GRB14: variants seen among roughly 807,000 people sequenced by gnomAD.
GRB14 encodes the protein growth factor receptor-bound protein 14.
Under a neutral mutation model 69.1 loss-of-function variants are expected in GRB14, and 38 were observed. That is an observed-to-expected ratio of 0.55 (90% CI 0.42 to 0.72). GRB14 has a LOEUF of 0.72. GRB14 is among the 30% of genes least tolerant of loss of function. The probability of loss-of-function intolerance (pLI) is 0.00; values close to 1 mark genes in which losing one functional copy is unlikely to be tolerated. For missense variants in GRB14, 666 were observed against 666.1 expected (o/e 1.00, Z 0.00); for synonymous variants, 247 against 241.3 (o/e 1.02, Z -0.22).
intron 3 of GRB14, among the ~76,000 whole-genome samples, chr2:164,544,574 G>A (rs1234158368): frequency 2.0e-5 from 3 of 152,184 alleles, no homozygotes; most frequent in Non-Finnish European, 2.9e-5. Context: ...AGTTAAACTA[G>A]TCACAAGTGG....
intron 2 of GRB14, among the ~76,000 whole-genome samples, chr2:164,607,747 C>T (rs931262648): frequency 1.3e-5 from 2 of 152,160 alleles, no homozygotes; most frequent in African/African-American, 4.8e-5. Context: ...CAAAGCTTTA[C>T]CATTAGCCAT....
Position 164,547,753 on chromosome 2 carries a change from C to T in GRB14, c.388G>A (p.Ala130Thr). The change falls in exon 3 of 14, where the codon GCT (alanine) becomes ACT (threonine). Residue 130 changes from alanine (A) to threonine (T), a missense_variant. Coordinates refer to ENST00000263915, the MANE Select transcript of GRB14 (RefSeq NM_004490.3). ...RALDVPSDIT[A>T]RDVCQLLILK... ...ATCAACAGCTGACAAACATCTCGAG[C>T]CGTTATGTCACTGGGTACATCTAAA... 6.2e-7 allele frequency: 1 copy of T among 1,613,568 alleles called. No homozygotes were observed. Among genetic ancestry groups the T allele is most frequent in the Non-Finnish European group, 8.5e-7 (1 of 1,179,572 alleles).
At chr2:164,494,623 C>G in intron 12 of GRB14, 99 bp from the exon 13 acceptor site, 3 of 755,786 alleles carry the variant, frequency 4.0e-6, no homozygotes, top group Non-Finnish European at 7.2e-6. Context: ...ATAAATGTAG[C>G]TGGGGACTCC....
intron 9 of GRB14, among the ~76,000 whole-genome samples, chr2:164,501,455 T>C (rs1478658865): frequency 1.3e-5 from 2 of 152,116 alleles, no homozygotes; most frequent in African/African-American, 4.8e-5. Context: ...TGCATACATC[T>C]GAATTCCTAA....
At chr2:164,596,953 A>T (rs1016290507) in intron 2 of GRB14, among the ~76,000 whole-genome samples, 1 of 152,196 alleles carries the variant, frequency 6.6e-6, no homozygotes, top group Non-Finnish European at 1.5e-5. Flanking sequence ...TCCTTGAAAT[A>T]ATCTACAAAA....
At chr2:164,610,029 CCAGGGTAATG>C (rs1690130681) in intron 2 of GRB14, among the ~76,000 whole-genome samples, 1 of 152,072 alleles carries the variant, frequency 6.6e-6, no homozygotes, top group African/African-American at 2.4e-5. Flanking sequence ...TTTACACGCC[CCAGGGTAATG>C]CACCAAGAGG....
chr2:164,527,366 A>C (rs2105289087), intron 3 of GRB14, among the ~76,000 whole-genome samples: 1 of 151,498 alleles, frequency 6.6e-6, no homozygotes, highest in East Asian at 1.9e-4. Context: ...ACCAAAGCAG[A>C]CTGTTGTCTA....
Position 164,560,603 on chromosome 2 carries a change from T to C in GRB14, c.325-12787A>G, listed in dbSNP as rs561870416. On this transcript the variant is annotated intron_variant, in intron 2 of 13. Transcript: ENST00000263915. The stretch of plus-strand genomic sequence containing the variant: ...ATAAGAAGGATTGGGGGGGCATATG[T>C]ATATATACATATGTGTCACCTCACC... Among the ~76,000 whole-genome samples the C allele has an allele frequency of 2.0e-5, 3 of 152,278 alleles. No individual in the cohort carries two copies. In the South Asian group the frequency reaches 6.2e-4, roughly 32 times the overall value.
At chr2:164,536,520 G>T (rs572261471) in intron 3 of GRB14, among the ~76,000 whole-genome samples, 66 of 152,076 alleles carry the variant, frequency 4.3e-4, no homozygotes, top group Non-Finnish European at 8.1e-4. Flanking sequence ...TGTCAATCAG[G>T]AATAAGCACC....
rs769757166 is a variant in GRB14 at position 164,494,464 on chromosome 2, A to G, written c.1443T>C (p.His481=). The G allele has an allele frequency of 1.2e-6, 2 of 1,601,730 alleles. No individual in the cohort carries two copies. Among genetic ancestry groups the G allele is most frequent in the Non-Finnish European group, 1.7e-6 (2 of 1,168,984 alleles). The change falls in exon 13 of 14, where the codon CAT becomes CAC. Residue 481 remains histidine (H), a synonymous_variant. Coordinates refer to ENST00000263915, the MANE Select transcript of GRB14 (RefSeq NM_004490.3). ...NPKTFVLSMS[H]GQKIKHFQII... ...TTTGAAAGTGCTTTATTTTTTGTCCATGACTCATTGACAGTACGAAAGTTT... is the reference window on the plus strand; with the variant it reads ...TTTGAAAGTGCTTTATTTTTTGTCCGTGACTCATTGACAGTACGAAAGTTT...
intron 2 of GRB14, among the ~76,000 whole-genome samples, chr2:164,618,131 T>C (rs1314924540): frequency 2.0e-5 from 3 of 152,092 alleles, no homozygotes; most frequent in African/African-American, 4.8e-5. Context: ...CACACCCAGC[T>C]AATTTTTGTA....
At chr2:164,523,436 A>C (rs891603228) in intron 5 of GRB14, among the ~76,000 whole-genome samples, 4 of 152,054 alleles carry the variant, frequency 2.6e-5, no homozygotes, top group Non-Finnish European at 4.4e-5. Flanking sequence ...AAGAAAATAG[A>C]AATCCCTCTG....
chr2:164,514,434 G>A (rs185002565), intron 6 of GRB14, among the ~76,000 whole-genome samples: 4 of 152,252 alleles, frequency 2.6e-5, no homozygotes, highest in African/African-American at 7.2e-5. Flanking sequence ...CCCTCACTGC[G>A]GAACCTGAAG....
intron 2 of GRB14, 104 bp from the exon 3 acceptor site, chr2:164,547,920 T>C (rs1688427282): frequency 1.5e-6 from 1 of 667,724 alleles, no homozygotes; most frequent in South Asian, 3.9e-5. Flanking sequence ...TTATGAGATA[T>C]ATATAAATAA....
chr2:164,502,977 G>A (rs1039839883), intron 8 of GRB14, among the ~76,000 whole-genome samples: 24 of 152,160 alleles, frequency 1.6e-4, no homozygotes, highest in African/African-American at 5.3e-4. Context: ...AAGAATTTCA[G>A]TGTCTTCACT....
intron 3 of GRB14, among the ~76,000 whole-genome samples, chr2:164,527,903 T>C (rs1380950653): frequency 1.3e-5 from 2 of 152,062 alleles, no homozygotes; most frequent in Non-Finnish European, 2.9e-5. Flanking sequence ...ACAGTAGTAT[T>C]ATTCATAATA....
At chr2:164,600,275 C>A (rs1466690728) in intron 2 of GRB14, among the ~76,000 whole-genome samples, 2 of 152,142 alleles carry the variant, frequency 1.3e-5, no homozygotes, top group African/African-American at 4.8e-5. Context: ...AATAAATATA[C>A]TTTAATTTTA....
chr2:164,525,112 T>G (rs777840950), intron 4 of GRB14, 34 bp from the exon 5 acceptor site: 22 of 1,330,504 alleles, frequency 1.7e-5, no homozygotes, highest in Non-Finnish European at 2.2e-5. Context: ...TATCACAAAA[T>G]TCATGCTAGA....
intron 2 of GRB14, among the ~76,000 whole-genome samples, chr2:164,571,711 A>C (rs111321041): frequency 6.3e-4 from 96 of 152,298 alleles, no homozygotes; most frequent in African/African-American, 2.3e-3. Context: ...TAGATGAGGA[A>C]ATTAAGGCCA....
Sources: allele counts gnomAD v4.1 joint callset (sites outside exome capture counted in the v4.1 genomes callset), GRCh38; gene constraint gnomAD v4.1.1; transcripts MANE v1.5; gene names NCBI Gene and HGNC (gene_info 2026-07-23, HGNC 2026-07-21).